The following CETN3 variants were observed in gnomAD, a reference collection of about 807,000 sequenced individuals.
The protein encoded by CETN3 is centrin-3.
A neutral mutation model predicts 20.1 loss-of-function variants in CETN3; 17 were observed. That is an observed-to-expected ratio of 0.85 (90% CI 0.58 to 1.27). The LOEUF is 1.27. Among genes scored for constraint, CETN3 ranks in the 50% most tolerant of loss-of-function variants. The pLI, the probability that CETN3 is intolerant of heterozygous loss-of-function variation, is 0.00. For missense variants in CETN3, 169 were observed against 191.2 expected (o/e 0.88, Z 0.69); for synonymous variants, 52 against 59.7 (o/e 0.87, Z 0.59).
intron 4 of CETN3, among the ~76,000 whole-genome samples, chr5:90,398,645 A>G (rs1363580657): frequency 3.9e-5 from 6 of 152,206 alleles, no homozygotes; most frequent in Admixed American, 1.3e-4. Flanking sequence ...GAAAGAATAC[A>G]CTGGAAAGTA....
chr5:90,399,564 C>T lies in CETN3; in HGVS notation c.269-15G>A. ...CCAGTCTGTCACTACAGTTTAAAAACATATATATTTTAATAAACCTGCATA... is the reference window on the plus strand; with the variant it reads ...CCAGTCTGTCACTACAGTTTAAAAATATATATATTTTAATAAACCTGCATA... On this transcript the variant is annotated splice_polypyrimidine_tract_variant and intron_variant, in intron 3 of 4. Coordinates refer to ENST00000283122, the MANE Select transcript of CETN3 (RefSeq NM_004365.4). 1 of 1,586,088 alleles carries T rather than the reference C, an allele frequency of 6.3e-7. No individual in the cohort carries two copies. Among genetic ancestry groups the T allele is most frequent in the Non-Finnish European group, 8.6e-7 (1 of 1,157,642 alleles).
Position 90,392,502 on chromosome 5 carries a change from G to A in CETN3, c.*1562C>T, listed in dbSNP as rs1361410613. The A allele has an allele frequency of 6.6e-6, 1 of 152,140 alleles. No individual in the cohort carries two copies. The highest frequency in any genetic ancestry group is 1.5e-5 in the Non-Finnish European group (1 of 68,004). The allele number at this position is 152,140 out of a possible 1,614,324, so 9.4% of individuals were successfully genotyped here. A position where few individuals can be genotyped will look rare whatever the true frequency, so the allele number is the denominator to read the frequency against. ...TGTTGAATTGTAATCCCCAGTACTG[G>A]AGGTGAGGTCTGGTGGGAGGTGATT... On this transcript the variant is annotated 3_prime_UTR_variant, in exon 5 of 5. Coordinates refer to ENST00000283122, the MANE Select transcript of CETN3 (RefSeq NM_004365.4).
intron 3 of CETN3, among the ~76,000 whole-genome samples, chr5:90,400,706 C>T (rs1157044022): frequency 6.6e-6 from 1 of 151,940 alleles, no homozygotes; most frequent in African/African-American, 2.4e-5. Context: ...TGCTGTTTCA[C>T]CCGTATTTGG....
At position 90,393,061 on chromosome 5, in the gene CETN3, A is replaced by G. The variant is rs888266766; in HGVS notation, c.*1003T>C. On this transcript the variant is annotated 3_prime_UTR_variant, in exon 5 of 5. Coordinates refer to ENST00000283122, the MANE Select transcript of CETN3 (RefSeq NM_004365.4). ...AGTACTAGATATGAGTGAAGGATCC[A>G]TATAGGTACTATTTTTTTCTATGAT... The G allele has an allele frequency of 1.3e-5, 2 of 152,214 alleles. No homozygotes were observed. The highest frequency in any genetic ancestry group is 4.8e-5 in the African/African-American group (2 of 41,464). 9.4% of individuals were successfully genotyped at this position (152,214 alleles called of 1,614,324 possible). A position where few individuals can be genotyped will look rare whatever the true frequency, so the allele number is the denominator to read the frequency against.
intron 3 of CETN3, among the ~76,000 whole-genome samples, chr5:90,401,512 T>C (rs1260355220): frequency 2.6e-5 from 4 of 152,274 alleles, no homozygotes; most frequent in South Asian, 2.1e-4. Context: ...CAAAATACTT[T>C]CTTAGACCTT....
chr5:90,400,452 A>C (rs188395105), intron 3 of CETN3, among the ~76,000 whole-genome samples: 1 of 152,230 alleles, frequency 6.6e-6, no homozygotes, highest in Admixed American at 6.5e-5. Context: ...TAAGTTACTA[A>C]ATAAAATTCT....
chr5:90,409,504 C>A (rs1749566001), intron 1 of CETN3, 141 bp downstream of exon 1: 6 of 912,760 alleles, frequency 6.6e-6, no homozygotes, highest in South Asian at 4.2e-5. Flanking sequence ...GTGATCCGGG[C>A]AGGCTGCCCT....
chr5:90,406,164 T>C (rs548696645), intron 2 of CETN3, among the ~76,000 whole-genome samples: 2 of 152,080 alleles, frequency 1.3e-5, no homozygotes, highest in African/African-American at 2.4e-5. Flanking sequence ...AGTTACATGA[T>C]AGAAGAGATA....
At chr5:90,400,389 T>G (rs774307158) in intron 3 of CETN3, among the ~76,000 whole-genome samples, 7 of 152,130 alleles carry the variant, frequency 4.6e-5, no homozygotes, top group Non-Finnish European at 7.4e-5. Context: ...TACCAGTCTT[T>G]AATCAATAGC....
At chr5:90,399,930 TACC>T (rs1343858852) in intron 3 of CETN3, among the ~76,000 whole-genome samples, 1 of 152,190 alleles carries the variant, frequency 6.6e-6, no homozygotes, top group Non-Finnish European at 1.5e-5. Context: ...TGGAGAGACA[TACC>T]AACAAAATAA....
At chr5:90,409,441 A>G (rs1749562298) in intron 1 of CETN3, among the ~76,000 whole-genome samples, 1 of 152,150 alleles carries the variant, frequency 6.6e-6, no homozygotes, top group African/African-American at 2.4e-5. Context: ...TAACCTCCTT[A>G]GCAGAAATGC....
intron 3 of CETN3, 81 bp downstream of exon 3, chr5:90,405,604 G>T (rs1226082592): frequency 1.1e-6 from 1 of 893,728 alleles, no homozygotes; most frequent in Middle Eastern, 2.7e-4. Flanking sequence ...CCATAACCTA[G>T]AGAATTTAAA....
At chr5:90,403,605 C>T (rs540060565) in intron 3 of CETN3, among the ~76,000 whole-genome samples, 38 of 152,222 alleles carry the variant, frequency 2.5e-4, no homozygotes, top group South Asian at 1.7e-3. Context: ...GGCGCGGTGG[C>T]TCACGCCTGT....
In CETN3 at chr5:90,393,774, G is replaced by A; in HGVS notation, c.*290C>T. 4.9e-6 allele frequency: 1 copy of A among 202,608 alleles called. No homozygotes were observed. Among genetic ancestry groups the A allele is most frequent in the Non-Finnish European group, 9.9e-6 (1 of 101,360 alleles). 12.6% of individuals were successfully genotyped at this position (202,608 alleles called of 1,614,324 possible). On this transcript the variant is annotated 3_prime_UTR_variant, in exon 5 of 5. Coordinates refer to ENST00000283122, the MANE Select transcript of CETN3 (RefSeq NM_004365.4). ...GTCTGGAAAATGTGTGCACTAAAAA[G>A]TGACTATAAATGTTAAATTAAAAAA...
At position 90,392,959 on chromosome 5, in the gene CETN3, A is replaced by T. The variant is rs1222453417; in HGVS notation, c.*1105T>A. On this transcript the variant is annotated 3_prime_UTR_variant, in exon 5 of 5. Transcript: ENST00000283122. ...ATGATACTACACTTTAAACTTAAAAATTTAAAACAAGAATTCTAAAGAAAG... is the reference window on the plus strand; with the variant it reads ...ATGATACTACACTTTAAACTTAAAATTTTAAAACAAGAATTCTAAAGAAAG... The T allele has an allele frequency of 6.6e-6, 1 of 152,228 alleles. No homozygotes were observed. The highest frequency in any genetic ancestry group is 1.5e-5 in the Non-Finnish European group (1 of 68,028). The allele number at this position is 152,228 out of a possible 1,614,324, so 9.4% of individuals were successfully genotyped here. A position where few individuals can be genotyped will look rare whatever the true frequency, so the allele number is the denominator to read the frequency against.
At position 90,396,557 on chromosome 5, in the gene CETN3, C is replaced by T. The variant is rs577667523; in HGVS notation, c.461-2450G>A. 9 of 1,531,970 alleles carry T rather than the reference C, an allele frequency of 5.9e-6. No homozygotes were observed. In the South Asian group the frequency reaches 1.1e-4, roughly 18 times the overall value. 94.9% of individuals were successfully genotyped at this position (1,531,970 alleles called of 1,614,324 possible). A position where few individuals can be genotyped will look rare whatever the true frequency, so the allele number is the denominator to read the frequency against. ...ACCAAATAGGAAGCAAGAGTATGTT[C>T]TTAAGAACTGTATTAAGAGAAAAAA... On this transcript the variant is annotated intron_variant, in intron 4 of 4. Transcript: ENST00000283122.
chr5:90,407,660 T>C, intron 2 of CETN3, 39 bp downstream of exon 2: 1 of 1,326,750 alleles, frequency 7.5e-7, no homozygotes, highest in Non-Finnish European at 1.0e-6. Context: ...ATGCAAATCA[T>C]TTTAACACAG....
At chr5:90,401,508 ACTTT>A (rs984391985) in intron 3 of CETN3, among the ~76,000 whole-genome samples, 37 of 152,352 alleles carry the variant, frequency 2.4e-4, no homozygotes, top group African/African-American at 8.9e-4. Flanking sequence ...TCATCAAAAT[ACTTT>A]CTTAGACCTT....
chr5:90,396,209 G>C (rs1291015198), intron 4 of CETN3: 1 of 985,184 alleles, frequency 1.0e-6, no homozygotes, highest in Admixed American at 6.2e-5. Flanking sequence ...AATAAGCTAT[G>C]AGTTAGGAAA....
Sources: gnomAD v4.1 joint callset for allele counts (sites outside exome capture counted in the v4.1 genomes callset) on GRCh38, gnomAD v4.1.1 for gene constraint, MANE v1.5 for transcripts, NCBI Gene and HGNC (gene_info 2026-07-23, HGNC 2026-07-21) for gene names.